HS3ST4: variants seen among roughly 807,000 people sequenced by gnomAD.
HS3ST4 encodes the protein heparan sulfate-glucosamine 3-sulfotransferase 4, also known as heparan sulfate glucosamine 3-O-sulfotransferase 4.
Under a neutral mutation model 29.2 loss-of-function variants are expected in HS3ST4, and 17 were observed. The observed-to-expected ratio is 0.58, with a 90% confidence interval of 0.40 to 0.87. The LOEUF (loss-of-function observed/expected upper bound fraction) is 0.87. HS3ST4 is among the 40% of genes least tolerant of loss of function. The pLI, the probability that HS3ST4 is intolerant of heterozygous loss-of-function variation, is 0.00. For missense variants in HS3ST4, 627 were observed against 634.5 expected, an observed-to-expected ratio of 0.99 and a Z score of 0.13; for synonymous variants, 314 against 285.7, an observed-to-expected ratio of 1.10 and a Z score of -1.00.
At chr16:25,968,846 G>T (rs1260176534) in intron 1 of HS3ST4, among the ~76,000 whole-genome samples, 1 of 152,152 alleles carries the variant, frequency 6.6e-6, no homozygotes, top group Non-Finnish European at 1.5e-5. Flanking sequence ...CCAAGATGGA[G>T]TCTTGCTCTG....
intron 1 of HS3ST4, among the ~76,000 whole-genome samples, chr16:26,097,209 T>C (rs368124316): frequency 2.0e-5 from 3 of 151,702 alleles, no homozygotes; most frequent in Non-Finnish European, 2.9e-5. Flanking sequence ...CCAATGACTT[T>C]ATTCACAGAA....
chr16:25,725,786 TTAAA>T (rs1254018374), intron 1 of HS3ST4, among the ~76,000 whole-genome samples: 1 of 150,900 alleles, frequency 6.6e-6, no homozygotes, highest in African/African-American at 2.4e-5. Context: ...ATACATATAA[TTAAA>T]TAAATGCATA....
intron 1 of HS3ST4, among the ~76,000 whole-genome samples, chr16:25,721,888 A>G (rs1169006577): frequency 6.6e-6 from 1 of 152,216 alleles, no homozygotes; most frequent in African/African-American, 2.4e-5. Context: ...TCAAATGCAT[A>G]TTTATGCCAA....
chr16:26,120,596 G>A (rs1285310319), intron 1 of HS3ST4, among the ~76,000 whole-genome samples: 3 of 152,174 alleles, frequency 2.0e-5, no homozygotes, highest in Non-Finnish European at 4.4e-5. Flanking sequence ...TGGCAGTGTG[G>A]CAGAACACAC....
At chr16:25,880,756 G>A (rs1967886114) in intron 1 of HS3ST4, among the ~76,000 whole-genome samples, 1 of 152,040 alleles carries the variant, frequency 6.6e-6, no homozygotes, top group African/African-American at 2.4e-5. Context: ...AATAATAGAG[G>A]GAAAATAGTA....
At chr16:25,995,228 A>G (rs1472053812) in intron 1 of HS3ST4, among the ~76,000 whole-genome samples, 1 of 152,272 alleles carries the variant, frequency 6.6e-6, no homozygotes, top group East Asian at 1.9e-4. Flanking sequence ...TTTCCTGTGC[A>G]GAGGGTAGCA....
chr16:26,093,106 C>A (rs1898877995), intron 1 of HS3ST4, among the ~76,000 whole-genome samples: 1 of 152,256 alleles, frequency 6.6e-6, no homozygotes, highest in East Asian at 1.9e-4. Context: ...CAGGGAGGAG[C>A]CCACCACAGC....
chr16:25,950,815 C>T (rs1395568166), intron 1 of HS3ST4, among the ~76,000 whole-genome samples: 2 of 152,108 alleles, frequency 1.3e-5, no homozygotes, highest in Admixed American at 6.6e-5. Context: ...GCCCCACCTC[C>T]GGGGGTTGTC....
intron 1 of HS3ST4, among the ~76,000 whole-genome samples, chr16:25,936,268 A>T (rs1034419004): frequency 2.0e-5 from 3 of 152,194 alleles, no homozygotes; most frequent in African/African-American, 4.8e-5. Flanking sequence ...ATTCTGTCCT[A>T]CTAAGTGATT....
At chr16:25,758,695 C>G (rs2141605153) in intron 1 of HS3ST4, among the ~76,000 whole-genome samples, 1 of 152,270 alleles carries the variant, frequency 6.6e-6, no homozygotes, top group South Asian at 2.1e-4. Flanking sequence ...GTGGCTCATG[C>G]CTGTAATCCC....
At chr16:26,108,395 C>T (rs1899084891) in intron 1 of HS3ST4, among the ~76,000 whole-genome samples, 1 of 152,134 alleles carries the variant, frequency 6.6e-6, no homozygotes, top group South Asian at 2.1e-4. Context: ...GGATTTGTTG[C>T]CCATGGAAAT....
chr16:25,930,292 A>G (rs113996263), intron 1 of HS3ST4, among the ~76,000 whole-genome samples: 2,546 of 152,294 alleles, frequency 0.017, 93 homozygotes, highest in African/African-American at 0.059. Context: ...ATAGTCCTGG[A>G]TGGAGGCTTC....
chr16:25,782,041 G>T (rs186953582), intron 1 of HS3ST4, among the ~76,000 whole-genome samples: 4 of 152,284 alleles, frequency 2.6e-5, no homozygotes, highest in Non-Finnish European at 5.9e-5. Flanking sequence ...GGCTGGGGAG[G>T]CCTCGGGAAA....
intron 1 of HS3ST4, among the ~76,000 whole-genome samples, chr16:26,130,089 G>A (rs9933947): frequency 0.24 from 36,773 of 152,082 alleles, 4,668 homozygotes; most frequent in East Asian, 0.4. Flanking sequence ...GGAGAGTGCA[G>A]TGGGGACAGG....
In HS3ST4 at chr16:25,978,942, G is replaced by T. The variant is rs115495815; in HGVS notation, c.735-156670G>T. 1.5e-3 allele frequency among the ~76,000 whole-genome samples: 196 copies of T among 132,150 alleles called. 1 individual carries two copies. Among genetic ancestry groups the T allele is most frequent in the Middle Eastern group, 4.2e-3 (1 of 238 alleles). 86.7% of individuals were successfully genotyped at this position (132,150 alleles called of 152,430 possible). On this transcript the variant is annotated intron_variant, in intron 1 of 1. Transcript: ENST00000331351. ...TCTTTGACTTGTTCTTTCTCTTTTT[G>T]TTTTTTTTTTTTTTTGAGACGAGTT...
At chr16:25,858,010 TGTC>T (rs1567257290) in intron 1 of HS3ST4, among the ~76,000 whole-genome samples, 2 of 147,786 alleles carry the variant, frequency 1.4e-5, no homozygotes, top group Non-Finnish European at 3.0e-5. Context: ...CTTTTCTTTC[TGTC>T]TTTTTCTTTC....
intron 1 of HS3ST4, among the ~76,000 whole-genome samples, chr16:26,006,372 AGTTT>A (rs956198531): frequency 5.5e-5 from 8 of 146,368 alleles, no homozygotes; most frequent in African/African-American, 2.0e-4. Context: ...ATTGTTTTTC[AGTTT>A]GTTTGTTTGT....
At chr16:26,101,336 G>A (rs1413326135) in intron 1 of HS3ST4, among the ~76,000 whole-genome samples, 1 of 152,178 alleles carries the variant, frequency 6.6e-6, no homozygotes, top group African/African-American at 2.4e-5. Flanking sequence ...CCTCGTCTCT[G>A]TCATCTCCAT....
chr16:25,874,758 T>C (rs1352946230), intron 1 of HS3ST4, among the ~76,000 whole-genome samples: 1 of 152,160 alleles, frequency 6.6e-6, no homozygotes, highest in East Asian at 1.9e-4. Context: ...ACTCAATTAA[T>C]ATTTGTCCCA....
Sources: allele counts gnomAD v4.1 joint callset (sites outside exome capture counted in the v4.1 genomes callset), GRCh38; gene constraint gnomAD v4.1.1; transcripts MANE v1.5; gene names NCBI Gene and HGNC (gene_info 2026-07-23, HGNC 2026-07-21).